Variants in POC1B observed in about 807,000 individuals in gnomAD.
POC1B encodes POC1 centriolar protein B.
Under a neutral mutation model 60.6 loss-of-function variants are expected in POC1B, and 44 were observed. That is an observed-to-expected ratio of 0.73 (90% CI 0.57 to 0.93). The LOEUF (loss-of-function observed/expected upper bound fraction) is 0.93. POC1B is among the 40% of genes least tolerant of loss of function. The pLI, the probability that POC1B is intolerant of heterozygous loss-of-function variation, is 0.00. For missense variants in POC1B, 555 were observed against 572.3 expected (o/e 0.97, Z 0.31); for synonymous variants, 180 against 198.9 (o/e 0.90, Z 0.80).
At chr12:89,433,864 G>A (rs1881142446) in intron 10 of POC1B, among the ~76,000 whole-genome samples, 3 of 152,178 alleles carry the variant, frequency 2.0e-5, no homozygotes, top group Admixed American at 6.5e-5. Flanking sequence ...TGTTGACTAA[G>A]GAGTGGATGG....
chr12:89,522,972 T>C (rs764761001), intron 2 of POC1B: 1 of 1,614,072 alleles, frequency 6.2e-7, no homozygotes, highest in Admixed American at 1.7e-5. Flanking sequence ...TAATGTTTGC[T>C]GGTACAGGGA....
chr12:89,507,894 T>A (rs1439218727), intron 2 of POC1B, among the ~76,000 whole-genome samples: 1 of 152,266 alleles, frequency 6.6e-6, no homozygotes, highest in Non-Finnish European at 1.5e-5. Context: ...AACACTATTT[T>A]CTGAAAAGAA....
At chr12:89,520,325 C>A (rs918386735) in intron 2 of POC1B, 1 of 151,994 alleles carries the variant, frequency 6.6e-6, no homozygotes, top group Non-Finnish European at 1.5e-5. Context: ...GTAATAAGTA[C>A]TTTCAAAATA....
chr12:89,474,750 A>G (rs1883040315), intron 4 of POC1B, among the ~76,000 whole-genome samples: 1 of 152,154 alleles, frequency 6.6e-6, no homozygotes, highest in African/African-American at 2.4e-5. Flanking sequence ...TACTGGCCCA[A>G]ATTACTTAGA....
downstream of POC1B, among the ~76,000 whole-genome samples, chr12:89,417,493 T>C (rs935288201): frequency 1.3e-5 from 2 of 152,264 alleles, no homozygotes; most frequent in East Asian, 3.8e-4. Context: ...TGAGTCACTG[T>C]TGCTCAAATA....
chr12:89,410,344 A>G, the POC1B span, among the ~76,000 whole-genome samples: 1 of 152,190 alleles, frequency 6.6e-6, no homozygotes, highest in Non-Finnish European at 1.5e-5. Flanking sequence ...CCCACAGCCA[A>G]TATCATACCA....
At chr12:89,438,414 G>A (rs1592586043) in intron 10 of POC1B, among the ~76,000 whole-genome samples, 1 of 152,232 alleles carries the variant, frequency 6.6e-6, no homozygotes, top group Non-Finnish European at 1.5e-5. Flanking sequence ...CCGTGATAGC[G>A]CCACTGCACG....
chr12:89,447,698 T>TA (rs1204983798), intron 10 of POC1B, among the ~76,000 whole-genome samples: 1 of 152,178 alleles, frequency 6.6e-6, no homozygotes, highest in Non-Finnish European at 1.5e-5. Flanking sequence ...CTTTACCTGA[T>TA]GCTAGATGTC....
intron 4 of POC1B, among the ~76,000 whole-genome samples, chr12:89,488,792 C>T (rs76672752): frequency 0.022 from 3,367 of 152,134 alleles, 98 homozygotes; most frequent in African/African-American, 0.072. Context: ...GGGCCAATAG[C>T]AGCTATTATT....
intron 2 of POC1B, among the ~76,000 whole-genome samples, chr12:89,502,923 TTAC>T (rs980310054): frequency 2.6e-5 from 4 of 152,212 alleles, no homozygotes; most frequent in African/African-American, 9.7e-5. Flanking sequence ...GTTCTTCTTT[TTAC>T]TCAGATAAAA....
chr12:89,460,465 C>G (rs915805026), intron 9 of POC1B, among the ~76,000 whole-genome samples: 4 of 151,924 alleles, frequency 2.6e-5, no homozygotes, highest in African/African-American at 4.8e-5. Context: ...AGCAAAATAC[C>G]ACTTAATACC....
chr12:89,406,984 T>C, the POC1B span, among the ~76,000 whole-genome samples: 1 of 149,908 alleles, frequency 6.7e-6, no homozygotes, highest in Admixed American at 6.6e-5. Context: ...CCGTCTCTAC[T>C]AAAAAATACA....
intron 2 of POC1B, chr12:89,524,072 C>G: frequency 1.2e-6 from 2 of 1,613,832 alleles, no homozygotes; most frequent in Non-Finnish European, 1.7e-6. Flanking sequence ...GGAGAAGTTT[C>G]TAAAACACTG....
chr12:89,511,221 G>A (rs1870171136), intron 2 of POC1B, among the ~76,000 whole-genome samples: 1 of 151,316 alleles, frequency 6.6e-6, no homozygotes, highest in African/African-American at 2.4e-5. Flanking sequence ...TCAGGAGTTC[G>A]AGACCAGCCT....
At chr12:89,461,148 GCA>G (rs1417227065) in intron 9 of POC1B, 1 of 151,330 alleles carries the variant, frequency 6.6e-6, no homozygotes, top group Non-Finnish European at 1.5e-5. Context: ...AAAAAAAATT[GCA>G]AAAATATCTC....
At chr12:89,428,008 G>C (rs1012358062) in intron 10 of POC1B, 2 of 152,190 alleles carry the variant, frequency 1.3e-5, no homozygotes, top group African/African-American at 4.8e-5. Flanking sequence ...TGACAGCAAG[G>C]ACTAAAATGG....
intron 9 of POC1B, among the ~76,000 whole-genome samples, chr12:89,462,614 A>G (rs1882522182): frequency 6.6e-6 from 1 of 152,220 alleles, no homozygotes; most frequent in Admixed American, 6.5e-5. Context: ...TACAACGTCC[A>G]GCACACAGAT....
intron 10 of POC1B, among the ~76,000 whole-genome samples, chr12:89,458,470 G>A (rs1882345099): frequency 6.6e-6 from 1 of 152,134 alleles, no homozygotes; most frequent in Admixed American, 6.6e-5. Flanking sequence ...GTGATTCTTG[G>A]AATTCCCTTT....
At chr12:89,460,003 TA>T in intron 9 of POC1B, 2 of 419,558 alleles carry the variant, frequency 4.8e-6, no homozygotes, top group Non-Finnish European at 9.1e-6. Context: ...AAAAATAAAA[TA>T]AAATGACCCA....
Sources: allele counts gnomAD v4.1 joint callset (sites outside exome capture counted in the v4.1 genomes callset), GRCh38; gene constraint gnomAD v4.1.1; transcripts MANE v1.5; gene names NCBI Gene and HGNC (gene_info 2026-07-23, HGNC 2026-07-21).